The following GLIS3 variants were observed in gnomAD, a reference collection of about 807,000 sequenced individuals.
GLIS3 encodes the protein GLIS family zinc finger 3, also known as zinc finger protein GLIS3.
A neutral mutation model predicts 78.6 loss-of-function variants in GLIS3; 53 were observed. The ratio of observed to expected loss-of-function variants is 0.67; its 90% confidence interval spans 0.54 to 0.85. GLIS3 has a LOEUF of 0.85. Among genes scored for constraint, GLIS3 ranks in the 40% least tolerant of loss-of-function variants. GLIS3 has a pLI of 0.00. For missense variants in GLIS3, 1,703 were observed against 1,231.1 expected, an observed-to-expected ratio of 1.38 and a Z score of -5.74; for synonymous variants, 684 against 509.9, an observed-to-expected ratio of 1.34 and a Z score of -4.60.
chr9:4,264,664 C>T (rs1289714891), intron 2 of GLIS3, among the ~76,000 whole-genome samples: 1 of 152,122 alleles, frequency 6.6e-6, no homozygotes, highest in Non-Finnish European at 1.5e-5. Flanking sequence ...GAGAAGCCTT[C>T]CCTAAATGTC....
chr9:4,246,747 C>T (rs1157523715), intron 2 of GLIS3, among the ~76,000 whole-genome samples: 1 of 152,144 alleles, frequency 6.6e-6, no homozygotes, highest in Non-Finnish European at 1.5e-5. Context: ...CTGCATGTGG[C>T]CTGTTGTAGC....
Position 4,072,804 on chromosome 9 carries a change from T to A in GLIS3, c.1710+44964A>T, listed in dbSNP as rs527757822. Among the ~76,000 whole-genome samples, 3 of 152,082 alleles carry A rather than the reference T, an allele frequency of 2.0e-5. No homozygotes were observed. In the East Asian group the frequency reaches 5.8e-4, roughly 29 times the overall value. On this transcript the variant is annotated intron_variant, in intron 4 of 10. Coordinates refer to ENST00000381971, the MANE Select transcript of GLIS3 (RefSeq NM_001042413.2). Reference sequence around the variant, plus strand: ...GTTGTTGTTTAGTTTCTTTCTTCTATATAAGTAGAATGAATTTAAAAAGAG... The same window carrying A: ...GTTGTTGTTTAGTTTCTTTCTTCTAAATAAGTAGAATGAATTTAAAAAGAG...
chr9:4,477,689 C>G, the GLIS3 span, among the ~76,000 whole-genome samples: 1 of 152,132 alleles, frequency 6.6e-6, no homozygotes, highest in Non-Finnish European at 1.5e-5. Flanking sequence ...GCTGGGATTA[C>G]AGGCATGAGC....
intron 8 of GLIS3, among the ~76,000 whole-genome samples, chr9:3,877,622 C>T (rs1406120314): frequency 6.6e-6 from 1 of 152,194 alleles, no homozygotes; most frequent in East Asian, 1.9e-4. Flanking sequence ...ATTAATGACA[C>T]AATCTTGGTA....
the GLIS3 span, among the ~76,000 whole-genome samples, chr9:4,392,876 GA>G: frequency 2.0e-5 from 3 of 150,750 alleles, no homozygotes; most frequent in African/African-American, 7.3e-5. Context: ...GAAATAACTG[GA>G]AAAAAATCCA....
intron 4 of GLIS3, among the ~76,000 whole-genome samples, chr9:4,091,721 T>A (rs1829519680): frequency 6.6e-6 from 1 of 152,162 alleles, no homozygotes; most frequent in African/African-American, 2.4e-5. Flanking sequence ...ATGTGTTTGC[T>A]TTCCCTTCTG....
intron 4 of GLIS3, among the ~76,000 whole-genome samples, chr9:4,056,544 T>G (rs1203785203): frequency 1.3e-5 from 2 of 152,114 alleles, no homozygotes; most frequent in African/African-American, 4.8e-5. Flanking sequence ...TGCAGGAGAC[T>G]TTCTACGAAG....
intron 2 of GLIS3, among the ~76,000 whole-genome samples, chr9:4,184,757 C>G (rs888976307): frequency 1.2e-4 from 19 of 152,100 alleles, no homozygotes; most frequent in African/African-American, 4.6e-4. Flanking sequence ...CTGATAAAGT[C>G]TACAATATAT....
chr9:4,127,808 G>T (rs933997064), intron 2 of GLIS3, among the ~76,000 whole-genome samples: 1 of 152,026 alleles, frequency 6.6e-6, no homozygotes, highest in Non-Finnish European at 1.5e-5. Flanking sequence ...TTTATCTAAG[G>T]AACTCAGTCA....
the GLIS3 span, among the ~76,000 whole-genome samples, chr9:4,381,715 T>C: frequency 1.3e-5 from 2 of 152,232 alleles, no homozygotes; most frequent in Non-Finnish European, 2.9e-5. Flanking sequence ...TTCACCTTAT[T>C]CCATCCTGTC....
the GLIS3 span, among the ~76,000 whole-genome samples, chr9:4,364,702 A>G: frequency 2.0e-5 from 2 of 100,144 alleles, no homozygotes; most frequent in African/African-American, 7.5e-5. Flanking sequence ...TTATATTTTT[A>G]TTACACTTTA....
chr9:4,239,279 G>C (rs926371596), intron 2 of GLIS3, among the ~76,000 whole-genome samples: 1 of 150,758 alleles, frequency 6.6e-6, no homozygotes, highest in African/African-American at 2.4e-5. Flanking sequence ...TAACAAACCT[G>C]CACGTTGTGC....
rs776463350 is a variant in GLIS3 at position 3,879,613 on chromosome 9, C to A, written c.2129-18G>T. ...AATGGGAGCTGAAATCAAGGGAGAA[C>A]AAACATGAGACCGTGCCCCAAAGGA... is the stretch of plus-strand genomic sequence containing the variant. On this transcript the variant is annotated intron_variant, in intron 7 of 10. Coordinates refer to ENST00000381971, the MANE Select transcript of GLIS3 (RefSeq NM_001042413.2). 1 of 1,613,584 alleles carries A rather than the reference C, an allele frequency of 6.2e-7. No homozygotes were observed. The highest frequency in any genetic ancestry group is 8.5e-7 in the Non-Finnish European group (1 of 1,179,832).
chr9:4,488,490 G>A, the GLIS3 span, among the ~76,000 whole-genome samples: 1 of 151,590 alleles, frequency 6.6e-6, no homozygotes, highest in African/African-American at 2.4e-5. Context: ...TTTTTACTGT[G>A]GGACAAATCT....
At chr9:4,136,969 A>T (rs964098380) in intron 2 of GLIS3, among the ~76,000 whole-genome samples, 3 of 152,190 alleles carry the variant, frequency 2.0e-5, no homozygotes, top group African/African-American at 7.2e-5. Flanking sequence ...TGCATCTGGG[A>T]CCTTGTGCTA....
intron 2 of GLIS3, among the ~76,000 whole-genome samples, chr9:4,318,045 G>T (rs940698622): frequency 6.6e-6 from 1 of 152,190 alleles, no homozygotes; most frequent in Middle Eastern, 3.2e-3. Flanking sequence ...AAAAATTATA[G>T]AAACTGAGGA....
At chr9:4,025,415 G>C (rs988202971) in intron 4 of GLIS3, among the ~76,000 whole-genome samples, 4 of 152,034 alleles carry the variant, frequency 2.6e-5, no homozygotes, top group African/African-American at 9.7e-5. Flanking sequence ...TTGAGACTGA[G>C]TCTCCCTCTG....
upstream of GLIS3, among the ~76,000 whole-genome samples, chr9:4,302,486 A>G (rs1213191537): frequency 2.0e-5 from 3 of 152,218 alleles, no homozygotes; most frequent in Non-Finnish European, 2.9e-5. Flanking sequence ...ATATGGGAGG[A>G]TATTACAGAA....
At chr9:4,308,416 C>T (rs1817283535) in intron 4 of GLIS3, among the ~76,000 whole-genome samples, 1 of 151,990 alleles carries the variant, frequency 6.6e-6, no homozygotes, top group South Asian at 2.1e-4. Context: ...AGGAAGGGCG[C>T]TGGAGGAGGA....
Sources: gnomAD v4.1 joint callset for allele counts (sites outside exome capture counted in the v4.1 genomes callset) on GRCh38, gnomAD v4.1.1 for gene constraint, MANE v1.5 for transcripts, NCBI Gene and HGNC (gene_info 2026-07-23, HGNC 2026-07-21) for gene names.